Variants in CLSPN observed in about 807,000 individuals in gnomAD.
The protein encoded by CLSPN is claspin homolog.
CLSPN carries 85 observed loss-of-function variants against 156.3 expected under a neutral mutation model. That is an observed-to-expected ratio of 0.54 (90% CI 0.46 to 0.65). CLSPN has a LOEUF of 0.65. Among genes scored for constraint, CLSPN ranks in the 30% least tolerant of loss-of-function variants. CLSPN has a pLI of 0.00. For missense variants in CLSPN, 1,407 were observed against 1,554.9 expected, an observed-to-expected ratio of 0.90 and a Z score of 1.60; for synonymous variants, 534 against 542.4, an observed-to-expected ratio of 0.98 and a Z score of 0.22.
At chr1:35,722,464 G>A (rs1641094685) in intron 24 of CLSPN, among the ~76,000 whole-genome samples, 1 of 151,882 alleles carries the variant, frequency 6.6e-6, no homozygotes, top group South Asian at 2.1e-4. Flanking sequence ...TGACCAGGCT[G>A]GTCTCAAACT....
At chr1:35,728,023 C>T (rs1641232490), downstream of CLSPN, among the ~76,000 whole-genome samples, 2 of 151,718 alleles carry the variant, frequency 1.3e-5, no homozygotes, top group South Asian at 4.2e-4. Context: ...TCAATAGCCT[C>T]CTGCTTTAAT....
downstream of CLSPN, among the ~76,000 whole-genome samples, chr1:35,729,828 A>G (rs1202745087): frequency 6.6e-6 from 1 of 152,122 alleles, no homozygotes; most frequent in East Asian, 1.9e-4. Context: ...ATGTACATTC[A>G]CTTCACATTA....
intron 8 of CLSPN, among the ~76,000 whole-genome samples, chr1:35,754,163 T>TA (rs1287599502): frequency 6.6e-6 from 1 of 152,206 alleles, no homozygotes; most frequent in Non-Finnish European, 1.5e-5. Flanking sequence ...AATCAGACTT[T>TA]AAAAAATCAG....
At chr1:35,727,275 G>A (rs1571182894), downstream of CLSPN, among the ~76,000 whole-genome samples, 1 of 152,210 alleles carries the variant, frequency 6.6e-6, no homozygotes, top group African/African-American at 2.4e-5. Context: ...TGATCTACAA[G>A]ACAAGCCAGT....
chr1:35,747,150 G>A (rs1416418061), intron 14 of CLSPN, among the ~76,000 whole-genome samples, 158 bp from the exon 15 acceptor site: 7 of 151,994 alleles, frequency 4.6e-5, no homozygotes, highest in South Asian at 2.1e-4. Flanking sequence ...GTGAAACCCC[G>A]TCTCTACTAA....
rs1216556194 is a variant in CLSPN, at chr1:35,749,647, G to A, written c.2193C>T (p.Ser731=). The change falls in exon 11 of 25, where the codon AGC becomes AGT. Residue 731 remains serine (S), a synonymous_variant. Coordinates refer to ENST00000318121, the MANE Select transcript of CLSPN (RefSeq NM_022111.4). Reference sequence around the variant, plus strand: ...GAATCACTTACCCCATCTTGGAAGAGCTGTCCTTAAACAGAAGTAAAGTAG... The same window carrying A: ...GAATCACTTACCCCATCTTGGAAGAACTGTCCTTAAACAGAAGTAAAGTAG... ...SDSTLLLFKD[S]SSKMGYFPTE... is the part of the protein sequence containing the mutation. 3 of 1,613,904 alleles carry A rather than the reference G, an allele frequency of 1.9e-6. No homozygotes were observed. The highest frequency in any genetic ancestry group is 1.1e-5 in the South Asian group (1 of 91,070).
At chr1:35,755,953 A>C (rs1398749461) in intron 8 of CLSPN, among the ~76,000 whole-genome samples, 3 of 152,092 alleles carry the variant, frequency 2.0e-5, no homozygotes, top group Admixed American at 2.0e-4. Context: ...CGAACTTCCC[A>C]CCTTAGTCTC....
chr1:35,768,136 G>A (rs1642734018), intron 1 of CLSPN, among the ~76,000 whole-genome samples: 2 of 152,160 alleles, frequency 1.3e-5, no homozygotes, highest in Admixed American at 6.5e-5. Context: ...TTGGGAGGCC[G>A]AGGTGGGTGG....
chr1:35,751,535 G>A, intron 9 of CLSPN, 29 bp from the exon 10 acceptor site: 1 of 1,590,684 alleles, frequency 6.3e-7, no homozygotes, highest in Non-Finnish European at 8.5e-7. Flanking sequence ...AAATGCTTTA[G>A]ACATAATACA....
chr1:35,745,956 C>CT (rs955452171), intron 15 of CLSPN, among the ~76,000 whole-genome samples: 7 of 149,526 alleles, frequency 4.7e-5, no homozygotes, highest in East Asian at 3.9e-4. Context: ...TTTTTCAAGA[C>CT]TTTTTTTTTG....
At chr1:35,769,511 G>A (rs1184858797) in intron 1 of CLSPN, among the ~76,000 whole-genome samples, 2 of 152,250 alleles carry the variant, frequency 1.3e-5, no homozygotes, top group East Asian at 1.9e-4. Flanking sequence ...AGCACCCTGA[G>A]GGGAGGAGCT....
At position 35,733,331 on chromosome 1, in the gene CLSPN, T is replaced by C. The variant is rs1027731635; in HGVS notation, c.*3165A>G. 1 of 253,630 alleles carries C rather than the reference T, an allele frequency of 3.9e-6. No individual in the cohort carries two copies. The highest frequency in any genetic ancestry group is 2.3e-5 in the African/African-American group (1 of 43,222). 15.7% of individuals were successfully genotyped at this position (253,630 alleles called of 1,614,324 possible). On this transcript the variant is annotated 3_prime_UTR_variant, in exon 25 of 25. Transcript: ENST00000318121. ...TTTCTTTTTTTTTTCTTTTTTTTTTTTTTTTTAGAGTTGGGATTTCACCAT... is the reference window on the plus strand; with the variant it reads ...TTTCTTTTTTTTTTCTTTTTTTTTTCTTTTTTAGAGTTGGGATTTCACCAT...
intron 24 of CLSPN, among the ~76,000 whole-genome samples, chr1:35,722,973 T>C (rs6701284): frequency 0.97 from 148,181 of 152,314 alleles, 72,198 homozygotes; most frequent in Non-Finnish European, 1. Flanking sequence ...GTATGGAATA[T>C]TCTAGCACTG....
chr1:35,752,843 C>T (rs564559216), intron 9 of CLSPN, among the ~76,000 whole-genome samples: 6 of 152,220 alleles, frequency 3.9e-5, no homozygotes, highest in Non-Finnish European at 8.8e-5. Context: ...AGTAAATGTT[C>T]AATGTCACAC....
Position 35,746,739 on chromosome 1 carries a change from G to A in CLSPN, c.2854+27C>T, listed in dbSNP as rs186291169. ...GGGCACTGATACTTGGGTGTGGTAAGCTTGATACTCTCGGTTGGATATTTA... is the reference window on the plus strand; with the variant it reads ...GGGCACTGATACTTGGGTGTGGTAAACTTGATACTCTCGGTTGGATATTTA... On this transcript the variant is annotated intron_variant, in intron 15 of 24. Transcript: ENST00000318121. The surrounding 1 kb of genome is among the most constrained non-coding windows in gnomAD (Gnocchi z 4.2). The A allele has an allele frequency of 2.2e-3, 3,304 of 1,494,138 alleles. 5 individuals carry two copies. Among genetic ancestry groups the A allele is most frequent in the Non-Finnish European group, 2.7e-3 (2,918 of 1,070,928 alleles). 92.6% of individuals were successfully genotyped at this position (1,494,138 alleles called of 1,614,324 possible).
At chr1:35,739,645 T>A in intron 18 of CLSPN, 116 bp from the exon 19 acceptor site, 1 of 718,754 alleles carries the variant, frequency 1.4e-6, no homozygotes, top group East Asian at 3.0e-5. Context: ...ATACATTTGA[T>A]AATATTTAAA....
At chr1:35,754,471 A>G (rs1238110711) in intron 8 of CLSPN, among the ~76,000 whole-genome samples, 1 of 152,068 alleles carries the variant, frequency 6.6e-6, no homozygotes, top group Non-Finnish European at 1.5e-5. Flanking sequence ...CAGTCTCCTG[A>G]GTAGCTGAGG....
intron 12 of CLSPN, 40 bp downstream of exon 12, chr1:35,749,427 C>A: frequency 6.3e-7 from 1 of 1,597,522 alleles, no homozygotes; most frequent in East Asian, 2.2e-5. Context: ...AGCTGAGGGA[C>A]AAAAGAAATG....
In CLSPN at chr1:35,723,836, C is replaced by T. The variant is rs1234812018; in HGVS notation, c.3910-2856G>A. On this transcript the variant is annotated intron_variant, in intron 24 of 24. Coordinates refer to the CLSPN transcript ENST00000251195. ...TGAAACCCCGTCTCTACTAAAAATA[C>T]AAAAATTAGCCGGGCATGGTGGCAC... Among the ~76,000 whole-genome samples the T allele has an allele frequency of 2.0e-5, 3 of 152,142 alleles. No homozygotes were observed. In the East Asian group the frequency reaches 5.8e-4, roughly 29 times the overall value.
Sources: gnomAD v4.1 joint callset for allele counts (sites outside exome capture counted in the v4.1 genomes callset) on GRCh38, gnomAD v4.1.1 for gene constraint, Gnocchi (gnomAD v3.1) non-coding constraint, MANE v1.5 for transcripts, NCBI Gene and HGNC (gene_info 2026-07-23, HGNC 2026-07-21) for gene names.